NOVA1: variants seen among roughly 807,000 people sequenced by gnomAD.
NOVA1 encodes the protein NOVA alternative splicing regulator 1.
Under a neutral mutation model 38.0 loss-of-function variants are expected in NOVA1, and 7 were observed. The ratio of observed to expected loss-of-function variants is 0.18; its 90% CI spans 0.10 to 0.35. The LOEUF is 0.35. Among genes scored for constraint, NOVA1 ranks in the 10% least tolerant of loss-of-function variants. NOVA1 has a pLI of 1.00. For synonymous variants in NOVA1, 270 were observed against 232.5 expected (o/e 1.16, Z -1.47); for missense variants, 460 against 616.0 (o/e 0.75, Z 2.68).
rs1166093646 is a variant in NOVA1 at position 26,555,685 on chromosome 14, TGTTA to T, written c.280+39721_280+39724del. The stretch of plus-strand genomic sequence containing the variant: ...CATCCAAACTAACACGTTAATTCAC[TGTTA>T]GTTAATAATATCAACCTACATAACT... On this transcript the variant is annotated intron_variant, in intron 2 of 4. Coordinates refer to ENST00000539517, the MANE Select transcript of NOVA1 (RefSeq NM_002515.3). Among the ~76,000 whole-genome samples, 5 of 152,158 alleles carry T rather than the reference TGTTA, an allele frequency of 3.3e-5. No homozygotes were observed. The East Asian group carries it at 9.6e-4, about 29-fold the overall frequency.
intron 2 of NOVA1, among the ~76,000 whole-genome samples, chr14:26,505,826 G>A (rs1361440906): frequency 1.3e-5 from 2 of 152,026 alleles, no homozygotes; most frequent in African/African-American, 2.4e-5. Flanking sequence ...CGGTAACACT[G>A]TAAATAATTA....
At chr14:26,464,102 C>G (rs1043364092) in intron 4 of NOVA1, among the ~76,000 whole-genome samples, 1 of 152,132 alleles carries the variant, frequency 6.6e-6, no homozygotes, top group Non-Finnish European at 1.5e-5. Flanking sequence ...TATTATGGCT[C>G]AAGACCACAG....
intron 1 of NOVA1, chr14:26,596,975 T>C: frequency 8.2e-7 from 1 of 1,219,250 alleles, no homozygotes. Flanking sequence ...CTCCTCCTCC[T>C]GAATGGACCT....
chr14:26,596,592 G>C, intron 1 of NOVA1: 1 of 1,289,130 alleles, frequency 7.8e-7, no homozygotes. Context: ...GATGCATTGG[G>C]TGCATTGTTA....
chr14:26,489,587 A>T (rs1886173193), intron 2 of NOVA1, among the ~76,000 whole-genome samples: 1 of 152,012 alleles, frequency 6.6e-6, no homozygotes, highest in South Asian at 2.1e-4. Context: ...ATGGCAATTT[A>T]AAAACTGTAC....
chr14:26,453,208 G>GTATGTATGTATTTATT lies in NOVA1; in HGVS notation c.520-4246_520-4245insAATAAATACATACATA, dbSNP rs796387130. The stretch of plus-strand genomic sequence containing the variant: ...TGTATGTATGTATGTATGTATGTAT[G>GTATGTATGTATTTATT]TATTTATTTATTTTTAGAGAGGGGG... On this transcript the variant is annotated intron_variant, in intron 4 of 4. Coordinates refer to ENST00000539517, the MANE Select transcript of NOVA1 (RefSeq NM_002515.3). 1.4e-3 allele frequency among the ~76,000 whole-genome samples: 177 copies of GTATGTATGTATTTATT among 125,458 alleles called. 1 individual carries two copies. The highest frequency in any genetic ancestry group is 3.9e-3 in the African/African-American group (98 of 25,212). 82.3% of individuals were successfully genotyped at this position (125,458 alleles called of 152,430 possible).
chr14:26,571,017 C>T (rs1358739171), intron 2 of NOVA1, among the ~76,000 whole-genome samples: 1 of 148,244 alleles, frequency 6.7e-6, no homozygotes, highest in Non-Finnish European at 1.5e-5. Flanking sequence ...TCTGTTCTCT[C>T]TTTACTATGA....
chr14:26,448,809 C>G lies in NOVA1; in HGVS notation c.674G>C (p.Gly225Ala), dbSNP rs747432508. Residue 225 changes from glycine (G) to alanine (A), a missense_variant, in exon 5 of 5, where the codon GGA becomes GCA. Coordinates refer to ENST00000539517, the MANE Select transcript of NOVA1 (RefSeq NM_002515.3). This position sits in a 1 kb window ranked among gnomAD's most constrained non-coding sequence, Gnocchi z 5.3. ...AGCTTTTCGGTTTTGTTCAGGTTCT[C>G]CACTCACAGTGACAACCCTCTCTTG... ...NLQERVVTVS[G>A]EPEQNRKAVE... 1.2e-6 allele frequency: 2 copies of G among 1,614,100 alleles called. No homozygotes were observed.
chr14:26,475,881 A>G (rs1884946795), intron 3 of NOVA1, among the ~76,000 whole-genome samples: 1 of 152,126 alleles, frequency 6.6e-6, no homozygotes, highest in Non-Finnish European at 1.5e-5. Context: ...ATTAATAAAC[A>G]CTGTAATAAA....
intron 2 of NOVA1, among the ~76,000 whole-genome samples, chr14:26,538,203 A>C (rs866378578): frequency 2.2e-4 from 34 of 152,164 alleles, no homozygotes; most frequent in African/African-American, 7.5e-4. Flanking sequence ...ACTAGAAATA[A>C]TCCACAACTG....
chr14:26,525,383 AT>A (rs1360261768), intron 2 of NOVA1, among the ~76,000 whole-genome samples: 1 of 152,140 alleles, frequency 6.6e-6, no homozygotes, highest in African/African-American at 2.4e-5. Context: ...TTATTGCCTT[AT>A]GTTAAGACAC....
chr14:26,471,836 T>C (rs1369562955), intron 4 of NOVA1: 4 of 156,956 alleles, frequency 2.5e-5, no homozygotes, highest in Non-Finnish European at 5.6e-5. Context: ...TTTAGATTGC[T>C]AGAAATGCTT....
At chr14:26,471,631 AAT>A (rs1425002423) in intron 4 of NOVA1, among the ~76,000 whole-genome samples, 1 of 151,938 alleles carries the variant, frequency 6.6e-6, no homozygotes, top group Admixed American at 6.6e-5. Context: ...ATTTGTCAAA[AAT>A]AACTACATTT....
In NOVA1 at chr14:26,548,248, C is replaced by G. The variant is rs111226134; in HGVS notation, c.280+47162G>C. Reference sequence around the variant, plus strand: ...CAATTCTAAATACATACACTACTAACCCTGAATTAAAAGGAAAACACTTAA... The same window carrying G: ...CAATTCTAAATACATACACTACTAAGCCTGAATTAAAAGGAAAACACTTAA... On this transcript the variant is annotated intron_variant, in intron 2 of 4. Coordinates refer to ENST00000539517, the MANE Select transcript of NOVA1 (RefSeq NM_002515.3). Among the ~76,000 whole-genome samples, 283 of 152,046 alleles carry G rather than the reference C, an allele frequency of 1.9e-3. 1 individual carries two copies. The highest frequency in any genetic ancestry group is 6.4e-3 in the African/African-American group (265 of 41,534).
chr14:26,495,992 AG>A (rs1383877234), intron 2 of NOVA1, among the ~76,000 whole-genome samples: 10 of 134,488 alleles, frequency 7.4e-5, no homozygotes, highest in South Asian at 2.8e-4. Flanking sequence ...CATTATTTAT[AG>A]TCCTTTGGGT....
rs118138538 is a variant in NOVA1 at position 26,512,098 on chromosome 14, A to C, written c.281-31955T>G. Among the ~76,000 whole-genome samples the C allele has an allele frequency of 2.5e-3, 378 of 152,302 alleles. 10 individuals are homozygous for C. The East Asian group carries it at 0.057, about 23-fold the overall frequency. ...CTGGGAAATACTGCTATATAATGTA[A>C]AGAAACCTTTAAAAAGAATACATTA... On this transcript the variant is annotated intron_variant, in intron 2 of 4. Coordinates refer to ENST00000539517, the MANE Select transcript of NOVA1 (RefSeq NM_002515.3).
chr14:26,549,819 C>T (rs998474907), intron 2 of NOVA1: 4 of 1,126,016 alleles, frequency 3.6e-6, no homozygotes, highest in Non-Finnish European at 4.8e-6. Flanking sequence ...TGCTGCGTTC[C>T]ACCTCAGAAG....
At chr14:26,597,148 G>C in intron 1 of NOVA1, 153 bp downstream of exon 1, 1 of 1,207,372 alleles carries the variant, frequency 8.3e-7, no homozygotes, top group East Asian at 3.2e-5. Flanking sequence ...GGGAGGGGGC[G>C]CGGGGCAGGG....
In NOVA1 at chr14:26,516,324, G is replaced by A. The variant is rs910651697; in HGVS notation, c.281-36181C>T. On this transcript the variant is annotated intron_variant, in intron 2 of 4. Coordinates refer to ENST00000539517, the MANE Select transcript of NOVA1 (RefSeq NM_002515.3). ...TCACTTTGTGACTTGTCTATTCACT[G>A]TTAATGGTGTCTTGATGAGCAGAAG... Among the ~76,000 whole-genome samples the A allele has an allele frequency of 5.9e-4, 90 of 152,080 alleles. 1 individual carries two copies. Among genetic ancestry groups the A allele is most frequent in the Admixed American group, 1.2e-3 (19 of 15,252 alleles).
Sources: gnomAD v4.1 joint callset for allele counts (sites outside exome capture counted in the v4.1 genomes callset) on GRCh38, gnomAD v4.1.1 for gene constraint, Gnocchi (gnomAD v3.1) non-coding constraint, MANE v1.5 for transcripts, NCBI Gene and HGNC (gene_info 2026-07-23, HGNC 2026-07-21) for gene names.